The following VAV3 variants were observed in gnomAD, a reference collection of about 807,000 sequenced individuals.
VAV3 encodes the protein guanine nucleotide exchange factor VAV3.
In VAV3, 94 loss-of-function variants were observed where a neutral mutation model predicts 131.2. The ratio of observed to expected loss-of-function variants is 0.72; its 90% confidence interval spans 0.61 to 0.85. The LOEUF (loss-of-function observed/expected upper bound fraction) is 0.85. VAV3 is among the 40% of genes least tolerant of loss of function. The pLI is 0.00. For synonymous variants in VAV3, 349 were observed against 342.0 expected (o/e 1.02, Z -0.22); for missense variants, 939 against 1,002.7 (o/e 0.94, Z 0.86).
Position 107,572,638 on chromosome 1 carries a change from C to CT in VAV3, c.*692dup, listed in dbSNP as rs891381167. ...ATGAAGACACCCTCTCTTTTGTGTG[C>CT]TTTTTTCACCTTTTATAAAGAAGTT... On this transcript the variant is annotated 3_prime_UTR_variant, in exon 27 of 27. Transcript: ENST00000370056. 5 of 152,498 alleles carry CT rather than the reference C, an allele frequency of 3.3e-5. No individual in the cohort carries two copies. Among genetic ancestry groups the CT allele is most frequent in the African/African-American group, 9.7e-5 (4 of 41,398 alleles). 9.4% of individuals were successfully genotyped at this position (152,498 alleles called of 1,614,324 possible).
At chr1:107,709,431 A>C (rs1660644572) in intron 15 of VAV3, among the ~76,000 whole-genome samples, 1 of 152,190 alleles carries the variant, frequency 6.6e-6, no homozygotes, top group Non-Finnish European at 1.5e-5. Flanking sequence ...CATTTTTATT[A>C]AGCCAAAAAA....
intron 19 of VAV3, among the ~76,000 whole-genome samples, chr1:107,656,098 G>A (rs1480322520): frequency 1.3e-5 from 2 of 152,046 alleles, no homozygotes; most frequent in South Asian, 2.1e-4. Context: ...TTCCACTACT[G>A]GGTATATAGC....
At chr1:107,946,603 A>T (rs987166784) in intron 1 of VAV3, among the ~76,000 whole-genome samples, 3 of 152,254 alleles carry the variant, frequency 2.0e-5, no homozygotes, top group African/African-American at 7.2e-5. Flanking sequence ...TAATCTGCAC[A>T]AGGACATGGA....
At position 107,760,920 on chromosome 1, in the gene VAV3, A is replaced by C. The variant is rs199774300; in HGVS notation, c.922-41T>G. 8 of 1,487,566 alleles carry C rather than the reference A, an allele frequency of 5.4e-6. No homozygotes were observed. In the Admixed American group the frequency reaches 1.2e-4, roughly 22 times the overall value. The allele number at this position is 1,487,566 out of a possible 1,614,324, so 92.1% of individuals were successfully genotyped here. On this transcript the variant is annotated intron_variant, in intron 9 of 26. Transcript: ENST00000370056. ...AAAAACACTTTGTTAGGGAGTCATA[A>C]ACATTAAAAGATGCAAAGGCCCTAG... is the stretch of plus-strand genomic sequence containing the variant.
intron 15 of VAV3, among the ~76,000 whole-genome samples, chr1:107,706,717 G>A (rs1660476356): frequency 6.6e-6 from 1 of 152,150 alleles, no homozygotes; most frequent in African/African-American, 2.4e-5. Flanking sequence ...TAGTCAGGAA[G>A]GGCTGTTGGT....
intron 25 of VAV3, chr1:107,576,298 A>T (rs1649642390): frequency 9.9e-7 from 1 of 1,009,940 alleles, no homozygotes; most frequent in African/African-American, 1.7e-5. Context: ...CTGTGAGGAG[A>T]TGTATCCGTA....
At chr1:107,686,849 T>C (rs1376445798) in intron 18 of VAV3, among the ~76,000 whole-genome samples, 2 of 152,210 alleles carry the variant, frequency 1.3e-5, no homozygotes, top group African/African-American at 4.8e-5. Flanking sequence ...CCACTTCTTA[T>C]TGGCATATTT....
At chr1:107,849,011 A>T (rs1571038995) in intron 2 of VAV3, among the ~76,000 whole-genome samples, 2 of 152,204 alleles carry the variant, frequency 1.3e-5, no homozygotes, top group Non-Finnish European at 2.9e-5. Context: ...AATCCAACTT[A>T]CAAGGGATGT....
chr1:107,884,279 T>C (rs12564710), intron 1 of VAV3, among the ~76,000 whole-genome samples: 99,451 of 151,382 alleles, frequency 0.66, 33,196 homozygotes, highest in Non-Finnish European at 0.72. Flanking sequence ...GGATAAATGT[T>C]TGAGGGGACA....
rs115271345 is a variant in VAV3 at position 107,764,304 on chromosome 1, T to C, written c.921+772A>G. 8.7e-3 allele frequency among the ~76,000 whole-genome samples: 883 copies of C among 101,398 alleles called. 6 individuals are homozygous for C. Among genetic ancestry groups the C allele is most frequent in the African/African-American group, 0.029 (841 of 28,798 alleles). The allele number at this position is 101,398 out of a possible 152,430, so 66.5% of individuals were successfully genotyped here. A position where few individuals can be genotyped will look rare whatever the true frequency, so the allele number is the denominator to read the frequency against. ...ATCTGTCAAAGCTCATCCCATTCTT[T>C]GGTGACCTAACTCAAATGCGCCTCT... On this transcript the variant is annotated intron_variant, in intron 9 of 26. Transcript: ENST00000370056.
At chr1:107,575,075 T>C (rs1438298452) in intron 25 of VAV3, among the ~76,000 whole-genome samples, 1 of 151,892 alleles carries the variant, frequency 6.6e-6, no homozygotes, top group African/African-American at 2.4e-5. Context: ...TCCCTGGCCC[T>C]GCTGGCCCTG....
intron 1 of VAV3, among the ~76,000 whole-genome samples, chr1:107,942,928 T>C (rs1468566809): frequency 6.6e-6 from 1 of 152,220 alleles, no homozygotes; most frequent in East Asian, 1.9e-4. Flanking sequence ...AGAACTTAAT[T>C]ATGAAATCCA....
intron 15 of VAV3, among the ~76,000 whole-genome samples, chr1:107,735,402 A>T (rs1214344823): frequency 6.6e-6 from 1 of 152,220 alleles, no homozygotes; most frequent in African/African-American, 2.4e-5. Context: ...CCCTTCAAAA[A>T]ATCAACGAAT....
chr1:107,911,055 C>T (rs1054543632), intron 1 of VAV3, among the ~76,000 whole-genome samples: 14 of 152,130 alleles, frequency 9.2e-5, no homozygotes, highest in Middle Eastern at 3.4e-3. Context: ...TCAACACCAC[C>T]AGACAAATAA....
At chr1:107,840,920 T>TA (rs1668675196) in intron 2 of VAV3, among the ~76,000 whole-genome samples, 1 of 141,918 alleles carries the variant, frequency 7.0e-6, no homozygotes, top group African/African-American at 2.6e-5. Flanking sequence ...AGAGATGCTT[T>TA]TAAAAAAAAA....
At chr1:107,694,206 CT>C (rs1275472654) in intron 17 of VAV3, among the ~76,000 whole-genome samples, 1 of 152,150 alleles carries the variant, frequency 6.6e-6, no homozygotes, top group Non-Finnish European at 1.5e-5. Flanking sequence ...TTAATTCAGG[CT>C]ACCATTGGAT....
At chr1:107,833,610 G>A (rs1668353077) in intron 2 of VAV3, among the ~76,000 whole-genome samples, 2 of 151,762 alleles carry the variant, frequency 1.3e-5, no homozygotes, top group Admixed American at 6.6e-5. Flanking sequence ...AACATTCTAG[G>A]TTTATCTTTT....
chr1:107,624,064 T>C (rs1437726599), intron 20 of VAV3, among the ~76,000 whole-genome samples: 1 of 152,170 alleles, frequency 6.6e-6, no homozygotes, highest in Non-Finnish European at 1.5e-5. Flanking sequence ...TCACACAAAA[T>C]TGTGTTTATT....
intron 7 of VAV3, 147 bp from the exon 8 acceptor site, chr1:107,766,697 A>G: frequency 1.5e-6 from 1 of 649,658 alleles, no homozygotes; most frequent in South Asian, 1.8e-5. Context: ...CAATAAAGAG[A>G]GAGGGAAAAG....
Sources: gnomAD v4.1 joint callset for allele counts (sites outside exome capture counted in the v4.1 genomes callset) on GRCh38, gnomAD v4.1.1 for gene constraint, MANE v1.5 for transcripts, NCBI Gene and HGNC (gene_info 2026-07-23, HGNC 2026-07-21) for gene names.